UBE2V2: variants seen among roughly 807,000 people sequenced by gnomAD.
UBE2V2 encodes the protein ubiquitin conjugating enzyme E2 V2.
In UBE2V2, 9 loss-of-function variants were observed where a neutral mutation model predicts 17.2. That is an observed-to-expected ratio of 0.52 (90% CI 0.32 to 0.91). The LOEUF (loss-of-function observed/expected upper bound fraction) is 0.91, where lower values mean the gene tolerates loss of function less well. Ranked by LOEUF, UBE2V2 falls within the 40% of genes least tolerant of loss-of-function variation. The pLI, the probability that UBE2V2 is intolerant of heterozygous loss-of-function variation, is 0.04. For missense variants in UBE2V2, 133 were observed against 182.6 expected (o/e 0.73, Z 1.56); for synonymous variants, 61 against 57.5 (o/e 1.06, Z -0.28).
chr8:48,042,311 A>G (rs1167973108), intron 1 of UBE2V2: 1 of 152,240 alleles, frequency 6.6e-6, no homozygotes, highest in African/African-American at 2.4e-5. Context: ...GGTGCATAAA[A>G]TTAAACTCCA....
At chr8:48,045,365 C>T (rs528205968) in intron 2 of UBE2V2, among the ~76,000 whole-genome samples, 1 of 152,106 alleles carries the variant, frequency 6.6e-6, no homozygotes, top group Non-Finnish European at 1.5e-5. Flanking sequence ...GATGCAACAG[C>T]GTGATTGGAT....
Position 48,063,910 on chromosome 8 carries a change from A to G in UBE2V2, c.*3082A>G, listed in dbSNP as rs1802628381. ...CACTAAATATATAATATTGATAAAT[A>G]CATGTGAAATTAATATTGTTTGGAA... On this transcript the variant is annotated 3_prime_UTR_variant, in exon 4 of 4. Transcript: ENST00000523111. 1 of 152,244 alleles carries G rather than the reference A, an allele frequency of 6.6e-6. No individual in the cohort carries two copies. Among genetic ancestry groups the G allele is most frequent in the Non-Finnish European group, 1.5e-5 (1 of 68,050 alleles). The allele number at this position is 152,244 out of a possible 1,614,324, so 9.4% of individuals were successfully genotyped here. A position where few individuals can be genotyped will look rare whatever the true frequency, so the allele number is the denominator to read the frequency against.
At chr8:48,039,500 A>ATTGTTCTCTAGGGTTTTCTTTTCC (rs2081919115) in intron 1 of UBE2V2, among the ~76,000 whole-genome samples, 1 of 152,012 alleles carries the variant, frequency 6.6e-6, no homozygotes, top group Admixed American at 6.6e-5. Context: ...ATATGTTCTC[A>ATTGTTCTCTAGGGTTTTCTTTTCC]TTGTTCTCTA....
chr8:48,008,657 T>C, intron 1 of UBE2V2, 187 bp downstream of exon 1: 1 of 793,680 alleles, frequency 1.3e-6, no homozygotes, highest in Non-Finnish European at 1.6e-6. Context: ...GGCCGTCGGG[T>C]TGGCGGGTCG....
At chr8:48,049,810 A>C (rs1185520570) in intron 2 of UBE2V2, 43 bp from the exon 3 acceptor site, 1 of 1,524,116 alleles carries the variant, frequency 6.6e-7, no homozygotes. Context: ...TTAATATTTT[A>C]GGTATTGTTA....
intron 1 of UBE2V2, among the ~76,000 whole-genome samples, chr8:48,013,054 C>G (rs892413227): frequency 3.9e-5 from 6 of 152,000 alleles, no homozygotes; most frequent in African/African-American, 1.4e-4. Flanking sequence ...ACCATGTTGG[C>G]CAGGCTGGTT....
At chr8:47,997,897 T>C in the UBE2V2 span, among the ~76,000 whole-genome samples, 1 of 150,986 alleles carries the variant, frequency 6.6e-6, no homozygotes, top group African/African-American at 2.4e-5. Context: ...GAAAAATCAG[T>C]GGGATCAAAG....
chr8:48,004,614 C>G (rs1175199053), upstream of UBE2V2, among the ~76,000 whole-genome samples: 2 of 151,388 alleles, frequency 1.3e-5, no homozygotes, highest in Non-Finnish European at 2.9e-5. Context: ...TCACTGCAAC[C>G]TCCGCCTCTT....
chr8:48,056,272 T>G (rs1203771732), intron 3 of UBE2V2, among the ~76,000 whole-genome samples: 2 of 152,212 alleles, frequency 1.3e-5, no homozygotes, highest in African/African-American at 2.4e-5. Context: ...ATATTTCTAT[T>G]TTTCTACTTT....
chr8:48,028,263 G>A (rs2091358947), intron 1 of UBE2V2, among the ~76,000 whole-genome samples: 1 of 151,630 alleles, frequency 6.6e-6, no homozygotes, highest in Non-Finnish European at 1.5e-5. Flanking sequence ...CATCTCCCAG[G>A]TTCAAGTGAT....
At chr8:48,000,166 TCTC>T in the UBE2V2 span, among the ~76,000 whole-genome samples, 2 of 152,174 alleles carry the variant, frequency 1.3e-5, no homozygotes, top group Admixed American at 1.3e-4. Context: ...TGAGGGGTGG[TCTC>T]CTCCCTTAAC....
At chr8:48,046,460 T>C (rs1481355055) in intron 2 of UBE2V2, among the ~76,000 whole-genome samples, 2 of 152,108 alleles carry the variant, frequency 1.3e-5, no homozygotes, top group Non-Finnish European at 2.9e-5. Context: ...TCCATGTTGC[T>C]CAGGCTGGTC....
intron 3 of UBE2V2, among the ~76,000 whole-genome samples, chr8:48,058,204 C>T (rs1160455677): frequency 2.6e-5 from 4 of 152,112 alleles, no homozygotes; most frequent in Non-Finnish European, 4.4e-5. Flanking sequence ...CGTGGTGGCT[C>T]ATGCCTGTAA....
chr8:48,057,034 G>C (rs945291948), intron 3 of UBE2V2, among the ~76,000 whole-genome samples: 2 of 151,982 alleles, frequency 1.3e-5, no homozygotes, highest in African/African-American at 4.8e-5. Flanking sequence ...CCTGTAATAA[G>C]TTTTGAAATC....
chr8:48,018,901 CTCTA>C (rs1410518467), intron 1 of UBE2V2, among the ~76,000 whole-genome samples: 2 of 152,148 alleles, frequency 1.3e-5, no homozygotes, highest in Admixed American at 6.6e-5. Context: ...TAATGACCTT[CTCTA>C]TCTTTTTTTT....
intron 1 of UBE2V2, among the ~76,000 whole-genome samples, chr8:48,012,767 T>C (rs542598173): frequency 2.6e-5 from 4 of 152,108 alleles, no homozygotes; most frequent in South Asian, 2.1e-4. Context: ...AAAAATACAA[T>C]AGTTTTAGTT....
intron 1 of UBE2V2, among the ~76,000 whole-genome samples, chr8:48,028,557 C>T (rs1315317881): frequency 1.3e-5 from 2 of 152,036 alleles, no homozygotes; most frequent in Admixed American, 6.6e-5. Flanking sequence ...AGGCTAATCT[C>T]GAACTCCTGA....
At chr8:48,017,671 C>T (rs1318744056) in intron 1 of UBE2V2, among the ~76,000 whole-genome samples, 2 of 152,056 alleles carry the variant, frequency 1.3e-5, no homozygotes, top group Non-Finnish European at 2.9e-5. Context: ...CCGCGCCTGC[C>T]AGTTCTCTCT....
rs1336078004 is a variant in UBE2V2, at chr8:48,062,791, C to G, written c.*1963C>G. Reference sequence around the variant, plus strand: ...AACATTAATTTCAACATGGCTGTTGCATTTTAATTATCAAAAATGTTTAAA... The same window carrying G: ...AACATTAATTTCAACATGGCTGTTGGATTTTAATTATCAAAAATGTTTAAA... On this transcript the variant is annotated 3_prime_UTR_variant, in exon 4 of 4. Transcript: ENST00000523111. 2 of 152,102 alleles carry G rather than the reference C, an allele frequency of 1.3e-5. No homozygotes were observed. The highest frequency in any genetic ancestry group is 4.8e-5 in the African/African-American group (2 of 41,414). The allele number at this position is 152,102 out of a possible 1,614,324, so 9.4% of individuals were successfully genotyped here. A position where few individuals can be genotyped will look rare whatever the true frequency, so the allele number is the denominator to read the frequency against.
Sources: allele counts gnomAD v4.1 joint callset (sites outside exome capture counted in the v4.1 genomes callset), GRCh38; gene constraint gnomAD v4.1.1; transcripts MANE v1.5; gene names NCBI Gene and HGNC (gene_info 2026-07-23, HGNC 2026-07-21).